Variants in OR2L13 observed in about 807,000 individuals in gnomAD.
OR2L13 encodes the protein olfactory receptor family 2 subfamily L member 13.
In OR2L13, 14 loss-of-function variants were observed where a neutral mutation model predicts 15.3. That is an observed-to-expected ratio of 0.91 (90% CI 0.60 to 1.43). OR2L13 has a LOEUF of 1.43. Among genes scored for constraint, OR2L13 ranks in the 40% most tolerant of loss-of-function variants. The pLI, the probability that OR2L13 is intolerant of heterozygous loss-of-function variation, is 0.00. For missense variants in OR2L13, 367 were observed against 387.9 expected, an observed-to-expected ratio of 0.95 and a Z score of 0.45; for synonymous variants, 152 against 142.9, an observed-to-expected ratio of 1.06 and a Z score of -0.45.
chr1:247,986,134 T>C, the OR2L13 span, among the ~76,000 whole-genome samples: 3 of 152,198 alleles, frequency 2.0e-5, no homozygotes, highest in Non-Finnish European at 2.9e-5. Context: ...TTTGTCAATT[T>C]TGGCTTTTGT....
At chr1:248,083,580 C>G in the OR2L13 span, 3 of 1,131,180 alleles carry the variant, frequency 2.7e-6, no homozygotes, top group Non-Finnish European at 3.9e-6. Flanking sequence ...GAGAGAATTA[C>G]AATGTGTTAA....
chr1:248,069,260 C>A, the OR2L13 span, among the ~76,000 whole-genome samples: 1 of 152,168 alleles, frequency 6.6e-6, no homozygotes. Flanking sequence ...AGCCCATCAG[C>A]CTAACAGTGG....
At chr1:248,002,438 C>T in the OR2L13 span, among the ~76,000 whole-genome samples, 1 of 124,234 alleles carries the variant, frequency 8.0e-6, no homozygotes, top group South Asian at 2.3e-4. Flanking sequence ...AATTTCACTA[C>T]AGTGGGTACT....
the OR2L13 span, among the ~76,000 whole-genome samples, chr1:248,085,929 C>A: frequency 4.1e-4 from 62 of 152,272 alleles, 1 homozygote; most frequent in African/African-American, 1.5e-3. Flanking sequence ...GGAGGCAGAA[C>A]TCAATGGGTA....
At chr1:248,072,746 T>C in the OR2L13 span, among the ~76,000 whole-genome samples, 2 of 150,904 alleles carry the variant, frequency 1.3e-5, no homozygotes, top group African/African-American at 4.9e-5. Context: ...AGGGCTAATA[T>C]CCAGAACCTA....
upstream of OR2L13, among the ~76,000 whole-genome samples, chr1:248,093,631 GTCTCA>G (rs1490815944): frequency 1.3e-5 from 2 of 152,132 alleles, no homozygotes; most frequent in African/African-American, 4.8e-5. Flanking sequence ...TATTTATTGA[GTCTCA>G]TCTCATCATC....
the OR2L13 span, among the ~76,000 whole-genome samples, chr1:248,024,726 G>A: frequency 6.6e-6 from 1 of 152,092 alleles, no homozygotes; most frequent in Non-Finnish European, 1.5e-5. Context: ...TAGATATGTG[G>A]TGTTATTTCT....
chr1:248,022,340 T>A, the OR2L13 span: 2 of 1,614,090 alleles, frequency 1.2e-6, no homozygotes, highest in Non-Finnish European at 1.7e-6. Context: ...CTCTCCACTA[T>A]CCCATCCGTA....
chr1:247,968,933 A>G, the OR2L13 span, among the ~76,000 whole-genome samples: 1 of 152,182 alleles, frequency 6.6e-6, no homozygotes, highest in Non-Finnish European at 1.5e-5. Flanking sequence ...GTCTTCCGCA[A>G]TGGTTGAACT....
At chr1:248,056,559 C>T in the OR2L13 span, among the ~76,000 whole-genome samples, 483 of 151,966 alleles carry the variant, frequency 3.2e-3, 8 homozygotes, top group African/African-American at 0.011. Flanking sequence ...TGTCTCTTTG[C>T]TTTCTTTGGT....
the OR2L13 span, among the ~76,000 whole-genome samples, chr1:247,964,926 T>G: frequency 6.7e-6 from 1 of 149,338 alleles, no homozygotes; most frequent in African/African-American, 2.4e-5. Flanking sequence ...GTAATATGTT[T>G]ATAGATACGT....
chr1:247,995,298 TG>T, the OR2L13 span, among the ~76,000 whole-genome samples: 1 of 152,232 alleles, frequency 6.6e-6, no homozygotes, highest in Non-Finnish European at 1.5e-5. Flanking sequence ...TAATAACATG[TG>T]TCATCAAGAT....
At chr1:248,006,530 G>A in the OR2L13 span, among the ~76,000 whole-genome samples, 1 of 152,100 alleles carries the variant, frequency 6.6e-6, no homozygotes, top group Admixed American at 6.6e-5. Flanking sequence ...ATCCCGAGAA[G>A]GATGGGAAGA....
chr1:247,989,743 A>G, the OR2L13 span, among the ~76,000 whole-genome samples: 1 of 152,164 alleles, frequency 6.6e-6, no homozygotes, highest in African/African-American at 2.4e-5. Context: ...AGTCCCCCTT[A>G]TCCACTGCTT....
At chr1:248,050,126 T>C in the OR2L13 span, among the ~76,000 whole-genome samples, 1 of 152,106 alleles carries the variant, frequency 6.6e-6, no homozygotes, top group Non-Finnish European at 1.5e-5. Context: ...CCTCCTGCCT[T>C]TCACATGAGA....
the OR2L13 span, among the ~76,000 whole-genome samples, chr1:247,968,931 C>T: frequency 6.6e-6 from 1 of 152,190 alleles, no homozygotes; most frequent in Non-Finnish European, 1.5e-5. Context: ...CTGTCTTCCG[C>T]AATGGTTGAA....
the OR2L13 span, among the ~76,000 whole-genome samples, chr1:248,073,539 A>G: frequency 6.6e-6 from 1 of 152,082 alleles, no homozygotes; most frequent in Non-Finnish European, 1.5e-5. Context: ...TTATGAGTTA[A>G]TGGGTGCAGC....
the OR2L13 span, among the ~76,000 whole-genome samples, chr1:247,955,670 A>G: frequency 0.79 from 104,953 of 133,682 alleles, 45,461 homozygotes; most frequent in Non-Finnish European, 0.95. Context: ...ATCTCATTGT[A>G]GTTTTGATTT....
the OR2L13 span, among the ~76,000 whole-genome samples, chr1:248,043,408 G>A: frequency 4.7e-3 from 710 of 152,282 alleles, 6 homozygotes; most frequent in African/African-American, 0.016. Flanking sequence ...TACATGGGCC[G>A]ATATGAAGGA....
Sources: gnomAD v4.1 joint callset for allele counts (sites outside exome capture counted in the v4.1 genomes callset) on GRCh38, gnomAD v4.1.1 for gene constraint, MANE v1.5 for transcripts, NCBI Gene and HGNC (gene_info 2026-07-23, HGNC 2026-07-21) for gene names.